Variants in POLR3B observed in about 807,000 individuals in gnomAD.
POLR3B encodes the protein RNA polymerase III subunit B, also known as DNA-directed RNA polymerase III subunit RPC2.
POLR3B carries 96 observed loss-of-function variants against 147.4 expected under a neutral mutation model. That is an observed-to-expected ratio of 0.65 (90% CI 0.55 to 0.77). The LOEUF is 0.77. Ranked by LOEUF, POLR3B falls within the 30% of genes least tolerant of loss-of-function variation. POLR3B has a pLI of 0.00. For synonymous variants in POLR3B, 461 were observed against 485.9 expected, an observed-to-expected ratio of 0.95 and a Z score of 0.67; for missense variants, 1,036 against 1,413.5, an observed-to-expected ratio of 0.73 and a Z score of 4.28.
intron 10 of POLR3B, among the ~76,000 whole-genome samples, chr12:106,399,783 A>AT (rs2037035988): frequency 6.6e-6 from 1 of 152,164 alleles, no homozygotes; most frequent in African/African-American, 2.4e-5. Context: ...ATGCTGAGAG[A>AT]CTTTGTCACC....
intron 1 of POLR3B, among the ~76,000 whole-genome samples, chr12:106,359,779 A>G (rs929868593): frequency 6.6e-6 from 1 of 152,230 alleles, no homozygotes; most frequent in Admixed American, 6.5e-5. Flanking sequence ...ATTTTGCCAG[A>G]GAGGCCCAAA....
chr12:106,411,032 GAAGA>G, intron 12 of POLR3B, 72 bp downstream of exon 12: 1 of 1,422,928 alleles, frequency 7.0e-7, no homozygotes, highest in African/African-American at 1.4e-5. Context: ...TTTCACATAA[GAAGA>G]AACATTTGAA....
At position 106,504,337 on chromosome 12, in the gene POLR3B, C is replaced by A; in HGVS notation, c.3272+83C>A. On this transcript the variant is annotated intron_variant, in intron 27 of 27. Coordinates refer to ENST00000228347, the MANE Select transcript of POLR3B (RefSeq NM_018082.6). This position sits in a 1 kb window ranked among gnomAD's most constrained non-coding sequence, Gnocchi z 4.6. ...AAGAATTGACCCTGGATCCTATCCG[C>A]ATATTCTCCAGCCTCTGTCTGTGAT... 1 of 1,097,120 alleles carries A rather than the reference C, an allele frequency of 9.1e-7. No homozygotes were observed. Among genetic ancestry groups the A allele is most frequent in the Non-Finnish European group, 1.4e-6 (1 of 709,842 alleles). 68.0% of individuals were successfully genotyped at this position (1,097,120 alleles called of 1,614,324 possible). A position where few individuals can be genotyped will look rare whatever the true frequency, so the allele number is the denominator to read the frequency against.
intron 23 of POLR3B, among the ~76,000 whole-genome samples, chr12:106,486,399 A>T (rs1007729218): frequency 6.0e-5 from 9 of 150,318 alleles, no homozygotes; most frequent in Non-Finnish European, 1.3e-4. Context: ...TGAATCCAGG[A>T]TTTTGATTCC....
At chr12:106,410,473 A>C in intron 11 of POLR3B, 1 of 253,996 alleles carries the variant, frequency 3.9e-6, no homozygotes, top group Non-Finnish European at 7.7e-6. Context: ...TAATTCTGGA[A>C]TTGGCTGGTA....
At chr12:106,361,300 A>C (rs1882413) in intron 1 of POLR3B, among the ~76,000 whole-genome samples, 33,511 of 152,162 alleles carry the variant, frequency 0.22, 5,206 homozygotes, top group East Asian at 0.71. Context: ...ACTCAGTAGA[A>C]TTTTTGTTTT....
chr12:106,386,751 C>CA (rs2036845128), intron 9 of POLR3B, among the ~76,000 whole-genome samples: 1 of 151,658 alleles, frequency 6.6e-6, no homozygotes, highest in Non-Finnish European at 1.5e-5. Flanking sequence ...ACTAAAAATA[C>CA]AAAAAATTAG....
intron 11 of POLR3B, chr12:106,410,598 T>G (rs2037211939): frequency 1.8e-6 from 1 of 549,910 alleles, no homozygotes; most frequent in South Asian, 2.1e-5. Flanking sequence ...AAGAAGTTGA[T>G]GTAGTCATCT....
chr12:106,397,867 G>T (rs935198571), intron 10 of POLR3B, among the ~76,000 whole-genome samples: 1 of 152,164 alleles, frequency 6.6e-6, no homozygotes, highest in Non-Finnish European at 1.5e-5. Flanking sequence ...TGCTGTTAAG[G>T]AGCCAAGATG....
chr12:106,422,602 G>A (rs1409881632), intron 12 of POLR3B, among the ~76,000 whole-genome samples: 2 of 152,150 alleles, frequency 1.3e-5, no homozygotes, highest in Non-Finnish European at 2.9e-5. Flanking sequence ...TGGATAACTG[G>A]TTGTCCCAGC....
intron 27 of POLR3B, among the ~76,000 whole-genome samples, chr12:106,506,560 T>C (rs765808530): frequency 1.4e-4 from 22 of 152,260 alleles, no homozygotes; most frequent in Middle Eastern, 3.2e-3. Context: ...GCTAAATGTA[T>C]ATCTTCTTTC....
At chr12:106,421,360 T>C (rs1473264993) in intron 12 of POLR3B, among the ~76,000 whole-genome samples, 2 of 152,200 alleles carry the variant, frequency 1.3e-5, no homozygotes, top group East Asian at 1.9e-4. Context: ...AACTGCAGAA[T>C]GTCACACTAG....
At chr12:106,426,334 C>T (rs1350943007) in intron 12 of POLR3B, among the ~76,000 whole-genome samples, 1 of 151,752 alleles carries the variant, frequency 6.6e-6, no homozygotes, top group East Asian at 1.9e-4. Flanking sequence ...TCACTGCAAC[C>T]TCTACCTCCT....
intron 23 of POLR3B, among the ~76,000 whole-genome samples, chr12:106,488,357 A>C (rs780914705): frequency 4.6e-5 from 7 of 152,232 alleles, no homozygotes; most frequent in Non-Finnish European, 8.8e-5. Flanking sequence ...AATGCTGGCC[A>C]AGGTGAAATG....
intron 12 of POLR3B, among the ~76,000 whole-genome samples, chr12:106,416,821 C>T (rs1260715450): frequency 6.6e-6 from 1 of 152,124 alleles, no homozygotes; most frequent in African/African-American, 2.4e-5. Flanking sequence ...TTTCCGGCCT[C>T]ATCTCATGCC....
intron 25 of POLR3B, chr12:106,500,227 G>A (rs1399100889): frequency 4.4e-6 from 2 of 454,120 alleles, no homozygotes; most frequent in Admixed American, 4.7e-5. Context: ...AATTTTTTAA[G>A]ACATCAGTTC....
intron 23 of POLR3B, among the ~76,000 whole-genome samples, chr12:106,483,838 ACATATT>A (rs2038302943): frequency 1.3e-5 from 2 of 152,344 alleles, no homozygotes; most frequent in South Asian, 2.1e-4. Flanking sequence ...TACTGAATGA[ACATATT>A]GCCTTTTCAT....
chr12:106,376,806 T>C (rs976100268), intron 7 of POLR3B, among the ~76,000 whole-genome samples: 4 of 152,150 alleles, frequency 2.6e-5, no homozygotes, highest in Admixed American at 2.6e-4. Flanking sequence ...TTAGTAGAGA[T>C]GGTGTTTTGC....
In POLR3B at chr12:106,489,009, GA is replaced by G. The variant is rs367723640; in HGVS notation, c.2714-7037del. 1.1e-3 allele frequency among the ~76,000 whole-genome samples: 171 copies of G among 150,824 alleles called. 4 individuals are homozygous for G. In the East Asian group the frequency reaches 0.018, roughly 16 times the overall value. On this transcript the variant is annotated intron_variant, in intron 23 of 27. Coordinates refer to ENST00000228347, the MANE Select transcript of POLR3B (RefSeq NM_018082.6). ...AAAGCGGACTCCTTTGATGTGGAGA[GA>G]AAAAAAAAGCAATATATCACTTCCC...
Sources: gnomAD v4.1 joint callset for allele counts (sites outside exome capture counted in the v4.1 genomes callset) on GRCh38, gnomAD v4.1.1 for gene constraint, Gnocchi (gnomAD v3.1) non-coding constraint, MANE v1.5 for transcripts, NCBI Gene and HGNC (gene_info 2026-07-23, HGNC 2026-07-21) for gene names.